SCN10A: variants seen among roughly 807,000 people sequenced by gnomAD.
SCN10A encodes sodium channel protein type 10 subunit alpha.
Under a neutral mutation model 170.7 loss-of-function variants are expected in SCN10A, and 162 were observed. That is an observed-to-expected ratio of 0.95 (90% confidence interval 0.84 to 1.08). SCN10A has a LOEUF of 1.08. Among genes scored for constraint, SCN10A ranks in the 50% least tolerant of loss-of-function variants. SCN10A has a pLI of 0.00. For synonymous variants in SCN10A, 985 were observed against 904.6 expected, an observed-to-expected ratio of 1.09 and a Z score of -1.59; for missense variants, 2,527 against 2,436.9, an observed-to-expected ratio of 1.04 and a Z score of -0.78.
At position 38,696,959 on chromosome 3, in the gene SCN10A, C is replaced by T; in HGVS notation, c.*390G>A. The stretch of plus-strand genomic sequence containing the variant: ...TATTGCCAATCTCTGTATGGTGCTC[C>T]ACAGAGGACTACCTTGGACCTTCAG... On this transcript the variant is annotated 3_prime_UTR_variant, in exon 28 of 28. Coordinates refer to ENST00000449082, the MANE Select transcript of SCN10A (RefSeq NM_006514.4). The T allele has an allele frequency of 4.2e-6, 1 of 240,648 alleles. No individual in the cohort carries two copies. Among genetic ancestry groups the T allele is most frequent in the Non-Finnish European group, 8.2e-6 (1 of 122,590 alleles). The allele number at this position is 240,648 out of a possible 1,614,324, so 14.9% of individuals were successfully genotyped here.
At chr3:38,766,465 A>G (rs1414046558) in intron 5 of SCN10A, among the ~76,000 whole-genome samples, 1 of 152,108 alleles carries the variant, frequency 6.6e-6, no homozygotes, top group East Asian at 1.9e-4. Context: ...ATTTTGTCAA[A>G]TGCTTTTCCT....
intron 4 of SCN10A, 74 bp from the exon 5 acceptor site, chr3:38,771,481 G>C: frequency 6.6e-7 from 1 of 1,510,686 alleles, no homozygotes; most frequent in Non-Finnish European, 9.1e-7. Flanking sequence ...TTCCAGGAGG[G>C]AGGGATGACC....
chr3:38,707,640 G>A (rs573916611), intron 25 of SCN10A, among the ~76,000 whole-genome samples: 1 of 152,182 alleles, frequency 6.6e-6, no homozygotes, highest in African/African-American at 2.4e-5. Context: ...GCTGGATAAA[G>A]GGTGGGGAGG....
intron 26 of SCN10A, among the ~76,000 whole-genome samples, chr3:38,704,126 G>A (rs1187428558): frequency 6.6e-6 from 1 of 152,176 alleles, no homozygotes; most frequent in Non-Finnish European, 1.5e-5. Flanking sequence ...CCCTTCCAGG[G>A]AGCCCACGGG....
At chr3:38,756,907 C>T in intron 9 of SCN10A, 36 bp from the exon 10 acceptor site, 1 of 1,611,306 alleles carries the variant, frequency 6.2e-7, no homozygotes, top group Non-Finnish European at 8.5e-7. Context: ...AACCTGTACC[C>T]ATAGCACATG....
intron 19 of SCN10A, among the ~76,000 whole-genome samples, chr3:38,722,661 T>A (rs920250561): frequency 1.5e-4 from 23 of 152,126 alleles, no homozygotes; most frequent in African/African-American, 5.6e-4. Context: ...TTCTTACAGA[T>A]GACACCAGTG....
At chr3:38,748,251 A>G (rs1682007338) in intron 13 of SCN10A, among the ~76,000 whole-genome samples, 1 of 152,242 alleles carries the variant, frequency 6.6e-6, no homozygotes. Flanking sequence ...ATTCTATGCC[A>G]TGAAAAATGT....
chr3:38,812,684 C>G (rs1206311630), intron 1 of SCN10A, among the ~76,000 whole-genome samples: 1 of 152,096 alleles, frequency 6.6e-6, no homozygotes, highest in Non-Finnish European at 1.5e-5. Flanking sequence ...GTTTCTGATT[C>G]TCTTCCTGTC....
Position 38,725,220 on chromosome 3 carries a change from A to G in SCN10A, c.3182T>C (p.Leu1061Pro). 2 of 1,606,888 alleles carry G rather than the reference A, an allele frequency of 1.2e-6. No homozygotes were observed. The highest frequency in any genetic ancestry group is 1.7e-6 in the Non-Finnish European group (2 of 1,174,802). ...GTSSEDLAPS[L>P]GETWKDESVP... Reference sequence around the variant, plus strand: ...AGACTCATCTTTCCACGTCTCACCCAGGGATGGAGCCAGGTCCTCAGAAGA... The same window carrying G: ...AGACTCATCTTTCCACGTCTCACCCGGGGATGGAGCCAGGTCCTCAGAAGA... Residue 1061 changes from leucine to proline, a missense_variant, in exon 18 of 28, where the codon CTG becomes CCG. Transcript: ENST00000449082.
chr3:38,715,139 G>A (rs966591260), intron 21 of SCN10A, among the ~76,000 whole-genome samples: 1 of 152,208 alleles, frequency 6.6e-6, no homozygotes, highest in African/African-American at 2.4e-5. Context: ...GTGAGACCCA[G>A]CTGCCTGGGT....
rs148912801 is a variant in SCN10A at position 38,722,721 on chromosome 3, G to A, written c.3353-309C>T. Among the ~76,000 whole-genome samples, 16 of 152,258 alleles carry A rather than the reference G, an allele frequency of 1.1e-4. No homozygotes were observed. The East Asian group carries it at 2.3e-3, about 22-fold the overall frequency. On this transcript the variant is annotated intron_variant, in intron 19 of 27. Coordinates refer to ENST00000449082, the MANE Select transcript of SCN10A (RefSeq NM_006514.4). ...ACCTGGAAAACAGACAAGCTACGGC[G>A]TATGAGCCTGGGGGTGCCTGAGGGG... is the stretch of plus-strand genomic sequence containing the variant.
intron 13 of SCN10A, among the ~76,000 whole-genome samples, chr3:38,743,627 ATTG>A (rs2063657118): frequency 6.6e-6 from 1 of 152,104 alleles, no homozygotes; most frequent in East Asian, 1.9e-4. Flanking sequence ...CAGAATTTAT[ATTG>A]TTCTCTTTGA....
intron 5 of SCN10A, among the ~76,000 whole-genome samples, chr3:38,769,619 G>A (rs536789092): frequency 7.2e-5 from 11 of 152,162 alleles, no homozygotes; most frequent in African/African-American, 2.2e-4. Context: ...ATCTTTTGAG[G>A]GGTGTTATTG....
rs868734370 is a variant in SCN10A at position 38,742,445 on chromosome 3, C to T, written c.1952G>A (p.Trp651Ter). 2 of 1,614,208 alleles carry T rather than the reference C, an allele frequency of 1.2e-6. No individual in the cohort carries two copies. The highest frequency in any genetic ancestry group is 1.3e-5 in the African/African-American group (1 of 75,064). Residue 651 changes from tryptophan to a stop codon, truncating the protein, a stop_gained, in exon 14 of 28, where the codon TGG becomes TAG. Transcript: ENST00000449082. LOFTEE classifies it high-confidence loss of function. ...AAAGAGAATTGTCTTGAGCTTCACC[C>T]ACATGGGGCAGCAATCCCAGATCAG... Reference protein sequence around the residue: ...KYLIWDCCPMWVKLKTILFGL... With the variant: ...KYLIWDCCPM
At chr3:38,730,493 T>C (rs1398267648) in intron 15 of SCN10A, among the ~76,000 whole-genome samples, 1 of 152,048 alleles carries the variant, frequency 6.6e-6, no homozygotes, top group African/African-American at 2.4e-5. Context: ...ACAGAAGGAA[T>C]GAGTCATCAA....
At chr3:38,763,265 C>T (rs1304539376) in intron 6 of SCN10A, among the ~76,000 whole-genome samples, 1 of 152,178 alleles carries the variant, frequency 6.6e-6, no homozygotes, top group Non-Finnish European at 1.5e-5. Context: ...GATTGTGAGG[C>T]CATGTGGTAT....
intron 15 of SCN10A, among the ~76,000 whole-genome samples, chr3:38,739,205 C>T (rs2063602938): frequency 6.6e-6 from 1 of 152,110 alleles, no homozygotes; most frequent in African/African-American, 2.4e-5. Context: ...TGTAAGTGCT[C>T]AGTAAGTATT....
At position 38,718,728 on chromosome 3, in the gene SCN10A, C is replaced by G; in HGVS notation, c.3606G>C (p.Leu1202=). 2 of 1,614,242 alleles carry G rather than the reference C, an allele frequency of 1.2e-6. No homozygotes were observed. Among genetic ancestry groups the G allele is most frequent in the Non-Finnish European group, 8.5e-7 (1 of 1,180,050 alleles). Residue 1202 remains leucine, a synonymous_variant, in exon 21 of 28, where the codon CTG becomes CTC. Coordinates refer to ENST00000449082, the MANE Select transcript of SCN10A (RefSeq NM_006514.4). ...VFTFIFVFEM[L]LKWVAYGFKK... ...TGAAGCCATAGGCCACCCACTTAAG[C>G]AGCATCTCGAACACAAAGATAAAGG...
intron 15 of SCN10A, among the ~76,000 whole-genome samples, chr3:38,737,828 C>CTTTCTTTCTTTCTTTCTTTCTTTCTT (rs1160725195): frequency 8.7e-6 from 1 of 114,476 alleles, no homozygotes; most frequent in African/African-American, 3.7e-5. Context: ...TTCTTTCTTT[C>CTTTCTTTCTTTCTTTCTTTCTTTCTT]TTTCTCTTTC....
Sources: gnomAD v4.1 joint callset for allele counts (sites outside exome capture counted in the v4.1 genomes callset) on GRCh38, gnomAD v4.1.1 for gene constraint, MANE v1.5 for transcripts, NCBI Gene and HGNC (gene_info 2026-07-23, HGNC 2026-07-21) for gene names.